HIPK1: variants seen among roughly 807,000 people sequenced by gnomAD.
HIPK1 encodes the protein homeodomain interacting protein kinase 1.
Under a neutral mutation model 117.1 loss-of-function variants are expected in HIPK1, and 28 were observed. The ratio of observed to expected loss-of-function variants is 0.24; its 90% CI spans 0.18 to 0.33. The LOEUF is 0.33. HIPK1 is among the 10% of genes least tolerant of loss of function. HIPK1 has a pLI of 1.00. For synonymous variants in HIPK1, 605 were observed against 562.5 expected, an observed-to-expected ratio of 1.08 and a Z score of -1.07; for missense variants, 1,122 against 1,475.1, an observed-to-expected ratio of 0.76 and a Z score of 3.92.
intron 14 of HIPK1, among the ~76,000 whole-genome samples, chr1:113,970,714 G>A (rs560475836): frequency 6.6e-6 from 1 of 152,224 alleles, no homozygotes; most frequent in South Asian, 2.1e-4. Context: ...AAGCTCCCTG[G>A]TTTAGTTATT....
chr1:113,950,572 C>G (rs1313908085), intron 2 of HIPK1, among the ~76,000 whole-genome samples: 1 of 152,132 alleles, frequency 6.6e-6, no homozygotes, highest in African/African-American at 2.4e-5. Context: ...TGGCAGATCT[C>G]AACTCATTGC....
intron 2 of HIPK1, among the ~76,000 whole-genome samples, chr1:113,950,826 T>C (rs189722905): frequency 1.7e-3 from 260 of 152,320 alleles, no homozygotes; most frequent in Non-Finnish European, 2.9e-3. Context: ...TTAGTAGTTA[T>C]GTAGCCTTGG....
At chr1:113,972,090 T>G in intron 15 of HIPK1, 136 bp downstream of exon 15, 1 of 1,605,356 alleles carries the variant, frequency 6.2e-7, no homozygotes, top group Non-Finnish European at 8.5e-7. Context: ...GTTCTATGGC[T>G]TACGTCGTAC....
At chr1:113,942,125 A>G (rs1206705507) in intron 2 of HIPK1, among the ~76,000 whole-genome samples, 1 of 150,642 alleles carries the variant, frequency 6.6e-6, no homozygotes, top group Non-Finnish European at 1.5e-5. Context: ...GTGGTGTGAC[A>G]TTGACTCACG....
chr1:113,949,851 C>T (rs931655005), intron 2 of HIPK1, among the ~76,000 whole-genome samples: 1 of 152,020 alleles, frequency 6.6e-6, no homozygotes, highest in East Asian at 1.9e-4. Context: ...CCAGCCTCCT[C>T]GGCCTCCCAA....
rs1296439230 is a variant in HIPK1 at position 113,940,823 on chromosome 1, T to A, written c.440T>A (p.Leu147Gln). ...ATAGAAGAACATCCCCCTCTCATGCTGCAAAACAGGACTGTGGTGGGTGCT... is the reference window on the plus strand; with the variant it reads ...ATAGAAGAACATCCCCCTCTCATGCAGCAAAACAGGACTGTGGTGGGTGCT... Reference protein sequence around the residue: ...QIIEEHPPLMLQNRTVVGAAA... With the variant: ...QIIEEHPPLMQQNRTVVGAAA... Residue 147 changes from leucine (L) to glutamine (Q), a missense_variant, in exon 2 of 16, where the codon CTG becomes CAG. Transcript: ENST00000426820. The A allele has an allele frequency of 6.2e-7, 1 of 1,613,966 alleles. No individual in the cohort carries two copies. Among genetic ancestry groups the A allele is most frequent in the Non-Finnish European group, 8.5e-7 (1 of 1,180,044 alleles).
At chr1:113,964,652 T>C (rs1011856719) in intron 10 of HIPK1, among the ~76,000 whole-genome samples, 4 of 152,254 alleles carry the variant, frequency 2.6e-5, no homozygotes, top group Non-Finnish European at 5.9e-5. Context: ...GGTTGGAATT[T>C]GGTTTTCATT....
intron 11 of HIPK1, among the ~76,000 whole-genome samples, chr1:113,966,675 T>C: frequency 6.6e-6 from 1 of 152,180 alleles, no homozygotes; most frequent in East Asian, 1.9e-4. Context: ...GCATGTAATG[T>C]GAAATAAGCA....
At chr1:113,948,429 T>G (rs1671129028) in intron 2 of HIPK1, among the ~76,000 whole-genome samples, 1 of 152,014 alleles carries the variant, frequency 6.6e-6, no homozygotes, top group South Asian at 2.1e-4. Context: ...TTTTTTAAAT[T>G]TTTTTGGTAG....
chr1:113,931,916 C>G (rs556429419), intron 1 of HIPK1, among the ~76,000 whole-genome samples: 1 of 152,162 alleles, frequency 6.6e-6, no homozygotes, highest in Non-Finnish European at 1.5e-5. Context: ...TTTTTTAGGT[C>G]TTTTTAAAAA....
At chr1:113,930,208 C>T (rs1669771259) in intron 1 of HIPK1, among the ~76,000 whole-genome samples, 1 of 152,260 alleles carries the variant, frequency 6.6e-6, no homozygotes, top group Non-Finnish European at 1.5e-5. Flanking sequence ...CTCGCCTGGG[C>T]GTGTTGTCCT....
At position 113,941,920 on chromosome 1, in the gene HIPK1, C is replaced by T. The variant is rs774540098; in HGVS notation, c.1076+461C>T. ...GACCACAGGCACCCGCCATCACGCCCGGCTAATTTTTTTTGTATTTTTAGT... is the reference window on the plus strand; with the variant it reads ...GACCACAGGCACCCGCCATCACGCCTGGCTAATTTTTTTTGTATTTTTAGT... On this transcript the variant is annotated intron_variant, in intron 2 of 15. Coordinates refer to ENST00000426820, the MANE Select transcript of HIPK1 (RefSeq NM_198268.3). This position sits in a 1 kb window ranked among gnomAD's most constrained non-coding sequence, Gnocchi z 4.9. Among the ~76,000 whole-genome samples the T allele has an allele frequency of 2.0e-5, 3 of 151,956 alleles. No individual in the cohort carries two copies. The highest frequency in any genetic ancestry group is 4.8e-5 in the African/African-American group (2 of 41,358).
rs182175702 is a variant in HIPK1 at position 113,967,501 on chromosome 1, C to T, written c.2382-265C>T. ...GAGATGTTGAGCACCTTTTCATATGCCTGTTTGTCATTTGTAAGTCATCTT... is the reference window on the plus strand; with the variant it reads ...GAGATGTTGAGCACCTTTTCATATGTCTGTTTGTCATTTGTAAGTCATCTT... On this transcript the variant is annotated intron_variant, in intron 11 of 15. Transcript: ENST00000426820. Among the ~76,000 whole-genome samples, 87 of 152,176 alleles carry T rather than the reference C, an allele frequency of 5.7e-4. 1 individual carries two copies. In the East Asian group the frequency reaches 0.016, roughly 28 times the overall value.
chr1:113,956,040 A>C (rs532981473), intron 5 of HIPK1, among the ~76,000 whole-genome samples: 1 of 151,292 alleles, frequency 6.6e-6, no homozygotes, highest in Non-Finnish European at 1.5e-5. Context: ...AGGTAGTAAC[A>C]ATCACTATTG....
At chr1:113,936,177 G>C (rs1314436651) in intron 1 of HIPK1, among the ~76,000 whole-genome samples, 1 of 152,138 alleles carries the variant, frequency 6.6e-6, no homozygotes, top group East Asian at 1.9e-4. Context: ...TAAGAACCCC[G>C]GTGGTCTGAT....
rs758129775 is a variant in HIPK1, at chr1:113,940,658, C to T, written c.275C>T (p.Ser92Leu). Reference sequence around the variant, plus strand: ...ATTGTTGTAACAGCCGCTGATAGCTCGGGCAGTGCTGCTACATCAACCTTC... The same window carrying T: ...ATTGTTGTAACAGCCGCTGATAGCTTGGGCAGTGCTGCTACATCAACCTTC... ...EHIVVTAADS[S>L]GSAATSTFQS... The change falls in exon 2 of 16, where the codon TCG becomes TTG. Residue 92 changes from serine to leucine, a missense_variant. By Grantham distance (145) the Ser-to-Leu change is moderately radical. This residue lies in a region of HIPK1 where 192 missense variants were observed against 234.0 expected (regional missense o/e 0.82). Coordinates refer to ENST00000426820, the MANE Select transcript of HIPK1 (RefSeq NM_198268.3). The T allele has an allele frequency of 1.9e-6, 3 of 1,614,192 alleles. No homozygotes were observed. Among genetic ancestry groups the T allele is most frequent in the Non-Finnish European group, 2.5e-6 (3 of 1,180,048 alleles).
chr1:113,934,805 A>AG (rs1357318372), intron 1 of HIPK1, among the ~76,000 whole-genome samples: 1 of 149,440 alleles, frequency 6.7e-6, no homozygotes, highest in Non-Finnish European at 1.5e-5. Flanking sequence ...AAAAAAAAAA[A>AG]AAAAATTAGC....
At chr1:113,970,305 A>T in intron 14 of HIPK1, 108 bp downstream of exon 14, 4 of 1,203,720 alleles carry the variant, frequency 3.3e-6, no homozygotes, top group East Asian at 2.3e-5. Context: ...TGGTGTAGAC[A>T]TTCTTAAAGA....
chr1:113,954,792 T>C, intron 4 of HIPK1, 22 bp downstream of exon 4: 1 of 1,606,512 alleles, frequency 6.2e-7, no homozygotes, highest in Non-Finnish European at 8.5e-7. Context: ...CTACTATGCT[T>C]CCGACTCCTG....
Sources: allele counts gnomAD v4.1 joint callset (sites outside exome capture counted in the v4.1 genomes callset), GRCh38; gene constraint gnomAD v4.1.1; regional missense constraint gnomAD v4.1.1; non-coding constraint Gnocchi (gnomAD v3.1); transcripts MANE v1.5; gene names NCBI Gene and HGNC (gene_info 2026-07-23, HGNC 2026-07-21).